The following KCNQ3 variants were observed in gnomAD, a reference collection of about 807,000 sequenced individuals.
KCNQ3 encodes the protein potassium voltage-gated channel subfamily Q member 3.
Under a neutral mutation model 92.5 loss-of-function variants are expected in KCNQ3, and 30 were observed. That is an observed-to-expected ratio of 0.32 (90% CI 0.24 to 0.44). The LOEUF (loss-of-function observed/expected upper bound fraction) is 0.44, where lower values mean the gene tolerates loss of function less well. Ranked by LOEUF, KCNQ3 falls within the 20% of genes least tolerant of loss-of-function variation. The pLI is 1.00. For missense variants in KCNQ3, 913 were observed against 1,140.3 expected (o/e 0.80, Z 2.87); for synonymous variants, 450 against 468.8 (o/e 0.96, Z 0.52).
At chr8:132,243,139 A>T (rs1815047880) in intron 1 of KCNQ3, among the ~76,000 whole-genome samples, 1 of 152,222 alleles carries the variant, frequency 6.6e-6, no homozygotes, top group Non-Finnish European at 1.5e-5. Context: ...TTAATATCCC[A>T]GCTCAATTCT....
At position 132,186,228 on chromosome 8, in the gene KCNQ3, T is replaced by C. The variant is rs750257989; in HGVS notation, c.387-47A>G. 9 of 1,408,126 alleles carry C rather than the reference T, an allele frequency of 6.4e-6. No individual in the cohort carries two copies. In the South Asian group the frequency reaches 9.3e-5, roughly 15 times the overall value. 87.2% of individuals were successfully genotyped at this position (1,408,126 alleles called of 1,614,324 possible). A position where few individuals can be genotyped will look rare whatever the true frequency, so the allele number is the denominator to read the frequency against. On this transcript the variant is annotated intron_variant, in intron 1 of 14. Coordinates refer to ENST00000388996, the MANE Select transcript of KCNQ3 (RefSeq NM_004519.4). ...GACTAAGGAACCTTTGAGTCATGGC[T>C]TGCTTTGAGGCTAAGATGGGGAAAG...
intron 1 of KCNQ3, among the ~76,000 whole-genome samples, chr8:132,291,753 C>T (rs1447219890): frequency 6.6e-6 from 1 of 152,132 alleles, no homozygotes; most frequent in Non-Finnish European, 1.5e-5. Flanking sequence ...TTGGGGTGAT[C>T]CATTCATTTA....
intron 1 of KCNQ3, among the ~76,000 whole-genome samples, chr8:132,405,076 A>T (rs546781682): frequency 6.6e-6 from 1 of 152,316 alleles, no homozygotes; most frequent in African/African-American, 2.4e-5. Context: ...GAGGGGGTGC[A>T]GGAAGGGGTG....
intron 1 of KCNQ3, among the ~76,000 whole-genome samples, chr8:132,441,999 T>A (rs1040383651): frequency 6.6e-6 from 1 of 152,152 alleles, no homozygotes; most frequent in African/African-American, 2.4e-5. Context: ...CTGCATGTTC[T>A]CACTTATAAG....
At chr8:132,174,743 G>A (rs905197374) in intron 5 of KCNQ3, among the ~76,000 whole-genome samples, 34 of 152,184 alleles carry the variant, frequency 2.2e-4, no homozygotes, top group African/African-American at 8.2e-4. Flanking sequence ...ATCTGTTCTG[G>A]TGTGTTTAGT....
rs561501487 is a variant in KCNQ3 at position 132,157,426 on chromosome 8, G to A, written c.1262+6042C>T. On this transcript the variant is annotated intron_variant, in intron 9 of 14. Transcript: ENST00000388996. ...GAGGTGAATTATCCAACTGGGTTAT[G>A]GTGTGTGCAATAGCCATTCACCCAT... Among the ~76,000 whole-genome samples the A allele has an allele frequency of 4.6e-5, 7 of 152,268 alleles. No homozygotes were observed. In the South Asian group the frequency reaches 1.5e-3, roughly 32 times the overall value.
At chr8:132,409,745 T>C (rs1378144579) in intron 1 of KCNQ3, among the ~76,000 whole-genome samples, 1 of 152,116 alleles carries the variant, frequency 6.6e-6, no homozygotes, top group Non-Finnish European at 1.5e-5. Context: ...TATTTTAGAG[T>C]CAGTGCATAT....
Position 132,158,460 on chromosome 8 carries a change from A to G in KCNQ3, c.1262+5008T>C, listed in dbSNP as rs186303517. 7.7e-3 allele frequency among the ~76,000 whole-genome samples: 1,169 copies of G among 152,312 alleles called. 16 individuals are homozygous for G. Among genetic ancestry groups the G allele is most frequent in the African/African-American group, 0.027 (1,119 of 41,560 alleles). On this transcript the variant is annotated intron_variant, in intron 9 of 14. Coordinates refer to ENST00000388996, the MANE Select transcript of KCNQ3 (RefSeq NM_004519.4). ...TGGCTCTGTGCCTTTTCTTGCCTCT[A>G]TAGCCTCCTCCTGTGTCAGGGACTT...
chr8:132,437,999 C>T (rs1448534412), intron 1 of KCNQ3, among the ~76,000 whole-genome samples: 2 of 152,212 alleles, frequency 1.3e-5, no homozygotes, highest in African/African-American at 2.4e-5. Context: ...ACTAGCACTA[C>T]TATGTTTATA....
chr8:132,310,100 G>A (rs140027324), intron 1 of KCNQ3, among the ~76,000 whole-genome samples: 184 of 152,296 alleles, frequency 1.2e-3, no homozygotes, highest in African/African-American at 3.1e-3. Flanking sequence ...GCCTCAGAAT[G>A]TGACTGAGTT....
chr8:132,173,254 G>A (rs1266279441), intron 6 of KCNQ3, among the ~76,000 whole-genome samples: 1 of 152,130 alleles, frequency 6.6e-6, no homozygotes, highest in Non-Finnish European at 1.5e-5. Flanking sequence ...AGCTGAAAGA[G>A]AACTTGAAGA....
chr8:132,315,697 G>A (rs1045478308), intron 1 of KCNQ3, among the ~76,000 whole-genome samples: 1 of 152,076 alleles, frequency 6.6e-6, no homozygotes, highest in African/African-American at 2.4e-5. Flanking sequence ...CCTTCTGCAA[G>A]GGCAATCCAC....
chr8:132,194,510 A>G (rs770942094), intron 1 of KCNQ3, among the ~76,000 whole-genome samples: 39 of 152,176 alleles, frequency 2.6e-4, no homozygotes, highest in Non-Finnish European at 4.9e-4. Flanking sequence ...TTGAAAACCC[A>G]CTAGGATGGA....
chr8:132,377,459 G>A (rs1819642169), intron 1 of KCNQ3, among the ~76,000 whole-genome samples: 1 of 152,186 alleles, frequency 6.6e-6, no homozygotes, highest in African/African-American at 2.4e-5. Flanking sequence ...GGGACTGATG[G>A]TTAAAGAGCA....
chr8:132,262,037 A>G (rs1050384188), intron 1 of KCNQ3, among the ~76,000 whole-genome samples: 1 of 152,240 alleles, frequency 6.6e-6, no homozygotes, highest in African/African-American at 2.4e-5. Context: ...TAAAAAGAAT[A>G]AAGTACTGAT....
At chr8:132,331,972 C>T (rs114153045) in intron 1 of KCNQ3, among the ~76,000 whole-genome samples, 1,633 of 152,284 alleles carry the variant, frequency 0.011, 36 homozygotes, top group African/African-American at 0.037. Flanking sequence ...ATCATGCTTG[C>T]CTCCTGACAG....
At chr8:132,174,192 G>A (rs1826472637) in intron 6 of KCNQ3, 47 bp downstream of exon 6, 2 of 1,340,132 alleles carry the variant, frequency 1.5e-6, no homozygotes, top group Non-Finnish European at 2.1e-6. Flanking sequence ...AGGCGGTAAG[G>A]GGTCCTGCAC....
At chr8:132,370,111 A>T (rs1018488110) in intron 1 of KCNQ3, among the ~76,000 whole-genome samples, 1 of 152,078 alleles carries the variant, frequency 6.6e-6, no homozygotes, top group Non-Finnish European at 1.5e-5. Flanking sequence ...TCCTCTGCCT[A>T]TTCATGGTTT....
At chr8:132,242,541 A>G (rs935928360) in intron 1 of KCNQ3, among the ~76,000 whole-genome samples, 1 of 152,218 alleles carries the variant, frequency 6.6e-6, no homozygotes, top group African/African-American at 2.4e-5. Context: ...TCTGTACTAC[A>G]CCACTTCTAT....
Sources: allele counts gnomAD v4.1 joint callset (sites outside exome capture counted in the v4.1 genomes callset), GRCh38; gene constraint gnomAD v4.1.1; transcripts MANE v1.5; gene names NCBI Gene and HGNC (gene_info 2026-07-23, HGNC 2026-07-21).